DNAJC1: variants seen among roughly 807,000 people sequenced by gnomAD.
The protein encoded by DNAJC1 is DnaJ heat shock protein family (Hsp40) member C1.
DNAJC1 carries 58 observed loss-of-function variants against 76.6 expected under a neutral mutation model. The observed-to-expected ratio is 0.76, with a 90% CI of 0.61 to 0.94. DNAJC1 has a LOEUF of 0.94. DNAJC1 is among the 40% of genes least tolerant of loss of function. The probability of loss-of-function intolerance (pLI) is 0.00; values close to 1 mark genes in which losing one functional copy is unlikely to be tolerated. For missense variants in DNAJC1, 689 were observed against 677.3 expected (o/e 1.02, Z -0.19); for synonymous variants, 258 against 267.9 (o/e 0.96, Z 0.36).
chr10:21,808,493 T>A (rs1327962490), intron 8 of DNAJC1, among the ~76,000 whole-genome samples: 1 of 152,198 alleles, frequency 6.6e-6, no homozygotes, highest in African/African-American at 2.4e-5. Context: ...TTATTATTAA[T>A]ATTTTTAAAG....
intron 8 of DNAJC1, among the ~76,000 whole-genome samples, chr10:21,849,800 T>C (rs1265831211): frequency 2.0e-5 from 3 of 152,074 alleles, no homozygotes; most frequent in Non-Finnish European, 4.4e-5. Flanking sequence ...GAATGCAAGG[T>C]TGGTTCAACA....
intron 9 of DNAJC1, among the ~76,000 whole-genome samples, chr10:21,794,410 A>G (rs1199465020): frequency 1.3e-5 from 2 of 152,162 alleles, no homozygotes; most frequent in Admixed American, 1.3e-4. Context: ...AAAGCTCTAA[A>G]TGAATGAAAG....
intron 6 of DNAJC1, among the ~76,000 whole-genome samples, chr10:21,916,783 T>C (rs1170140936): frequency 1.3e-5 from 2 of 152,182 alleles, no homozygotes; most frequent in Admixed American, 1.3e-4. Context: ...CTGAACAGTA[T>C]TGTTTTGCTA....
Position 21,894,729 on chromosome 10 carries a change from G to T in DNAJC1, c.820+9793C>A, listed in dbSNP as rs574098467. On this transcript the variant is annotated intron_variant, in intron 7 of 11. Transcript: ENST00000376980. ...TCCAAAATTCATGTAGAAACAGTCT[G>T]CACAGAGGTGGAGCCTTTGGAAAGT... 2.4e-4 allele frequency among the ~76,000 whole-genome samples: 36 copies of T among 152,308 alleles called. 1 individual carries two copies. Among genetic ancestry groups the T allele is most frequent in the African/African-American group, 8.7e-4 (36 of 41,572 alleles).
At chr10:21,786,455 TATATATATAGAGAGAGAGAGAGAG>T (rs1389172222) in intron 9 of DNAJC1, among the ~76,000 whole-genome samples, 1 of 56,952 alleles carries the variant, frequency 1.8e-5, no homozygotes, top group African/African-American at 6.3e-5. Flanking sequence ...TATATATATA[TATATATATAGAGAGAGAGAGAGAG>T]AGAGAGAGAG....
At chr10:21,909,452 A>C (rs984643373) in intron 6 of DNAJC1, among the ~76,000 whole-genome samples, 1 of 152,244 alleles carries the variant, frequency 6.6e-6, no homozygotes, top group Non-Finnish European at 1.5e-5. Context: ...ATATGTAAAA[A>C]TAACTATAAA....
At chr10:21,831,789 C>CAAAAAAAAAAAAAAAAAA (rs141184526) in intron 8 of DNAJC1, among the ~76,000 whole-genome samples, 1 of 111,396 alleles carries the variant, frequency 9.0e-6, no homozygotes, top group African/African-American at 3.6e-5. Flanking sequence ...GACTCCATCT[C>CAAAAAAAAAAAAAAAAAA]AAAAAAAAAA....
intron 8 of DNAJC1, among the ~76,000 whole-genome samples, chr10:21,833,587 G>T (rs971147652): frequency 6.6e-6 from 1 of 152,196 alleles, no homozygotes; most frequent in Non-Finnish European, 1.5e-5. Flanking sequence ...AATTTACCTT[G>T]CCTCTCAGTT....
In DNAJC1 at chr10:21,965,916, G is replaced by A. The variant is rs536236916; in HGVS notation, c.223-36775C>T. On this transcript the variant is annotated intron_variant, in intron 1 of 11. Transcript: ENST00000376980. ...TCCAAGAACCCTCTCATGGGGTCTG[G>A]ATCAGGTACCCCTTTCCTGTAACAC... Among the ~76,000 whole-genome samples, 5 of 152,258 alleles carry A rather than the reference G, an allele frequency of 3.3e-5. No individual in the cohort carries two copies. In the East Asian group the frequency reaches 9.6e-4, roughly 29 times the overall value.
At chr10:21,907,468 T>G (rs1427808101) in intron 6 of DNAJC1, among the ~76,000 whole-genome samples, 3 of 152,162 alleles carry the variant, frequency 2.0e-5, no homozygotes, top group Non-Finnish European at 2.9e-5. Context: ...GTTTGGGGTA[T>G]CACACTTTAA....
chr10:21,763,691 G>A (rs1324671496), intron 10 of DNAJC1, among the ~76,000 whole-genome samples: 2 of 151,626 alleles, frequency 1.3e-5, no homozygotes, highest in Non-Finnish European at 1.5e-5. Flanking sequence ...ATACTAGGAA[G>A]CCTCTGTGTA....
intron 3 of DNAJC1, among the ~76,000 whole-genome samples, chr10:21,924,515 T>C (rs1366150295): frequency 6.6e-6 from 1 of 152,130 alleles, no homozygotes; most frequent in Non-Finnish European, 1.5e-5. Flanking sequence ...CGCAATCTAG[T>C]ATATAAATGT....
At position 22,003,274 on chromosome 10, in the gene DNAJC1, T is replaced by C; in HGVS notation, c.161A>G (p.Glu54Gly). The C allele has an allele frequency of 1.3e-6, 2 of 1,550,866 alleles. No homozygotes were observed. Among genetic ancestry groups the C allele is most frequent in the East Asian group, 2.6e-5 (1 of 38,376 alleles). ...PARGWESGDL[E>G]LFDLVEEVQL... ...CACCTCCTCCACTAAGTCAAACAAC[T>C]CCAGGTCTCCGCTCTCCCAGCCGCG... Residue 54 changes from glutamate (E) to glycine (G), a missense_variant, in exon 1 of 12, where the codon GAG becomes GGG. By Grantham distance (98) the Glu-to-Gly change is moderately conservative (BLOSUM62 -2). Coordinates refer to ENST00000376980, the MANE Select transcript of DNAJC1 (RefSeq NM_022365.4).
intron 8 of DNAJC1, among the ~76,000 whole-genome samples, chr10:21,853,708 T>C (rs1835788823): frequency 7.0e-6 from 1 of 143,456 alleles, no homozygotes; most frequent in Admixed American, 7.4e-5. Flanking sequence ...GCAGGAGAAT[T>C]GCTTGAACCC....
At chr10:21,900,003 T>C (rs1393163449) in intron 7 of DNAJC1, among the ~76,000 whole-genome samples, 1 of 152,136 alleles carries the variant, frequency 6.6e-6, no homozygotes, top group Non-Finnish European at 1.5e-5. Flanking sequence ...ATGGTAGACT[T>C]TGTAAACACA....
chr10:21,846,503 A>G (rs1485122804), intron 8 of DNAJC1, among the ~76,000 whole-genome samples: 13 of 152,202 alleles, frequency 8.5e-5, no homozygotes, highest in African/African-American at 2.9e-4. Context: ...AAATATCCAC[A>G]TATGCAGAGG....
At chr10:21,962,647 T>A (rs963200420) in intron 1 of DNAJC1, among the ~76,000 whole-genome samples, 1 of 148,984 alleles carries the variant, frequency 6.7e-6, no homozygotes, top group Non-Finnish European at 1.5e-5. Flanking sequence ...TTTTTTCTTT[T>A]TCTTTTTTTT....
chr10:21,834,065 C>T (rs549862444), intron 8 of DNAJC1, among the ~76,000 whole-genome samples: 28 of 152,052 alleles, frequency 1.8e-4, no homozygotes, highest in African/African-American at 6.3e-4. Flanking sequence ...GAGATCGAGA[C>T]CATCCTGGGT....
At chr10:21,943,924 G>A (rs1163391357) in intron 1 of DNAJC1, among the ~76,000 whole-genome samples, 4 of 151,018 alleles carry the variant, frequency 2.6e-5, no homozygotes, top group Non-Finnish European at 5.9e-5. Flanking sequence ...AAAAAAAAAT[G>A]GATAGGCACC....
Sources: gnomAD v4.1 joint callset for allele counts (sites outside exome capture counted in the v4.1 genomes callset) on GRCh38, gnomAD v4.1.1 for gene constraint, MANE v1.5 for transcripts, NCBI Gene and HGNC (gene_info 2026-07-23, HGNC 2026-07-21) for gene names.